Variants in ANKRD24 observed in about 807,000 individuals in gnomAD.
The protein encoded by ANKRD24 is ankyrin repeat domain 24, also known as ankyrin repeat domain-containing protein 24.
A neutral mutation model predicts 127.8 loss-of-function variants in ANKRD24; 109 were observed. The ratio of observed to expected loss-of-function variants is 0.85; its 90% confidence interval spans 0.73 to 1.00. The LOEUF is 1.00. Ranked by LOEUF, ANKRD24 falls within the 50% of genes least tolerant of loss-of-function variation. ANKRD24 has a pLI of 0.00. For synonymous variants in ANKRD24, 743 were observed against 671.1 expected, an observed-to-expected ratio of 1.11 and a Z score of -1.66; for missense variants, 1,648 against 1,570.2, an observed-to-expected ratio of 1.05 and a Z score of -0.84.
chr19:4,195,819 G>A lies in ANKRD24; in HGVS notation c.37-3864G>A, dbSNP rs191700867. Among the ~76,000 whole-genome samples, 65 of 152,262 alleles carry A rather than the reference G, an allele frequency of 4.3e-4. No homozygotes were observed. Among genetic ancestry groups the A allele is most frequent in the Non-Finnish European group, 7.5e-4 (51 of 68,034 alleles). ...TGAAGCAGGAGAATTGCTTGAACCC[G>A]GGAGGCAGAGCTTGCAGTGAGCCGA... On this transcript the variant is annotated intron_variant, in intron 2 of 21. Transcript: ENST00000318934. The surrounding 1 kb of genome is among the most constrained non-coding windows in gnomAD (Gnocchi z 4.2).
At position 4,212,529 on chromosome 19, in the gene ANKRD24, G is replaced by A. The variant is rs921786942; in HGVS notation, c.1098+16G>A. The A allele has an allele frequency of 6.4e-7, 1 of 1,553,650 alleles. No individual in the cohort carries two copies. The highest frequency in any genetic ancestry group is 8.7e-7 in the Non-Finnish European group (1 of 1,149,620). On this transcript the variant is annotated intron_variant, in intron 14 of 21. Transcript: ENST00000318934. ...GGAGAGACAGGTAGGTGGGAAGGTG[G>A]GGAGGAGCCGGTCCTCCTGCTGCCC...
Position 4,223,401 on chromosome 19 carries a change from A to ATT in ANKRD24, c.3297+624_3297+625dup, listed in dbSNP as rs1173862080. Among the ~76,000 whole-genome samples, 531 of 53,272 alleles carry ATT rather than the reference A, an allele frequency of 1.0e-2. 19 individuals carry two copies. The highest frequency in any genetic ancestry group is 0.018 in the African/African-American group (193 of 10,470). The allele number at this position is 53,272 out of a possible 152,430, so 34.9% of individuals were successfully genotyped here. The stretch of plus-strand genomic sequence containing the variant: ...TATATATATATATATATATATATAT[A>ATT]TTTTTTTTTTTTTTTTTTTGAGCCA... On this transcript the variant is annotated intron_variant, in intron 20 of 21. Coordinates refer to ENST00000318934, the MANE Select transcript of ANKRD24 (RefSeq NM_001393985.1).
chr19:4,216,988 G>A lies in ANKRD24; in HGVS notation c.1828G>A (p.Glu610Lys). The change falls in exon 18 of 22, where the codon GAG (glutamate) becomes AAG (lysine). Residue 610 changes from glutamate to lysine, a missense_variant. By Grantham distance (56) the Glu-to-Lys change is moderately conservative. Transcript: ENST00000318934. ...CACAGGGGCTGAGGTCAGAGAAATG[G>A]AGACCACAGAAGAAGAAGCAAACAT... is the stretch of plus-strand genomic sequence containing the variant. The part of the protein sequence containing the change: ...KPTGAEVREM[E>K]TTEEEANMET... 1 of 1,613,390 alleles carries A rather than the reference G, an allele frequency of 6.2e-7. No individual in the cohort carries two copies.
Position 4,198,624 on chromosome 19 carries a change from C to T in ANKRD24, c.37-1059C>T, listed in dbSNP as rs1347711939. The T allele has an allele frequency of 4.9e-6, 2 of 411,408 alleles. No homozygotes were observed. Among genetic ancestry groups the T allele is most frequent in the Non-Finnish European group, 8.6e-6 (2 of 232,190 alleles). The allele number at this position is 411,408 out of a possible 1,614,324, so 25.5% of individuals were successfully genotyped here. A position where few individuals can be genotyped will look rare whatever the true frequency, so the allele number is the denominator to read the frequency against. On this transcript the variant is annotated intron_variant, in intron 2 of 21. Transcript: ENST00000318934. The surrounding 1 kb of genome is among the most constrained non-coding windows in gnomAD (Gnocchi z 6.1). ...GTCCCCGGCTGACCTGGACCACCCC[C>T]CCATTCCAGACCCGGGAAAGATGGT... is the stretch of plus-strand genomic sequence containing the variant.
In ANKRD24 at chr19:4,198,609, G is replaced by C. The variant is rs1295097198; in HGVS notation, c.37-1074G>C. ...TCCCCTCCCTTCCCCGTCCCCGGCTGACCTGGACCACCCCCCCATTCCAGA... is the reference window on the plus strand; with the variant it reads ...TCCCCTCCCTTCCCCGTCCCCGGCTCACCTGGACCACCCCCCCATTCCAGA... On this transcript the variant is annotated intron_variant, in intron 2 of 21. Transcript: ENST00000318934. The surrounding 1 kb of genome is among the most constrained non-coding windows in gnomAD (Gnocchi z 6.1). 2.4e-6 allele frequency: 1 copy of C among 423,924 alleles called. No homozygotes were observed. Among genetic ancestry groups the C allele is most frequent in the African/African-American group, 2.1e-5 (1 of 48,508 alleles). 26.3% of individuals were successfully genotyped at this position (423,924 alleles called of 1,614,324 possible).
rs1204092268 is a variant in ANKRD24, at chr19:4,223,393, A to ATT, written c.3297+599_3297+600insTT. On this transcript the variant is annotated intron_variant, in intron 20 of 21. Transcript: ENST00000318934. The stretch of plus-strand genomic sequence containing the variant: ...CATACATATATATATATATATATAT[A>ATT]TATATATATTTTTTTTTTTTTTTTT... Among the ~76,000 whole-genome samples, 162 of 78,822 alleles carry ATT rather than the reference A, an allele frequency of 2.1e-3. 3 individuals are homozygous for ATT. Among genetic ancestry groups the ATT allele is most frequent in the African/African-American group, 0.01 (147 of 14,322 alleles). 51.7% of individuals were successfully genotyped at this position (78,822 alleles called of 152,430 possible).
intron 10 of ANKRD24, among the ~76,000 whole-genome samples, chr19:4,208,435 C>G (rs1278005047): frequency 2.6e-5 from 4 of 152,080 alleles, no homozygotes; most frequent in Admixed American, 1.3e-4. Context: ...GCCTAAGTCC[C>G]TCACGCCTGG....
In ANKRD24 at chr19:4,217,428, C is replaced by T. The variant is rs1186253305; in HGVS notation, c.2268C>T (p.Ala756=). 5 of 1,541,878 alleles carry T rather than the reference C, an allele frequency of 3.2e-6. 1 individual carries two copies. The highest frequency in any genetic ancestry group is 2.5e-5 in the East Asian group (1 of 40,794). Residue 756 remains alanine, a synonymous_variant, in exon 18 of 22, where the codon GCC becomes GCT. Transcript: ENST00000318934. ...ELEAALGKCE[A]AEAEAGRLRE... is the part of the protein sequence containing the mutation. ...AGGCGGCCCTGGGGAAGTGCGAGGCCGCGGAGGCCGAGGCAGGCCGGCTGC... is the reference window on the plus strand; with the variant it reads ...AGGCGGCCCTGGGGAAGTGCGAGGCTGCGGAGGCCGAGGCAGGCCGGCTGC...
rs1200101553 is a variant in ANKRD24 at position 4,224,743 on chromosome 19, C to G, written c.*238C>G. The G allele has an allele frequency of 2.8e-5, 16 of 561,888 alleles. No homozygotes were observed. The highest frequency in any genetic ancestry group is 5.7e-5 in the African/African-American group (3 of 53,062). The allele number at this position is 561,888 out of a possible 1,614,324, so 34.8% of individuals were successfully genotyped here. A position where few individuals can be genotyped will look rare whatever the true frequency, so the allele number is the denominator to read the frequency against. ...GCCGTGACTGCCCCTCCCCCACCAC[C>G]GGAGACTGTGATTCCCTGTGTCCTC... On this transcript the variant is annotated 3_prime_UTR_variant, in exon 22 of 22. Transcript: ENST00000318934.
intron 2 of ANKRD24, among the ~76,000 whole-genome samples, chr19:4,192,780 A>C (rs1005033715): frequency 6.6e-6 from 1 of 151,128 alleles, no homozygotes; most frequent in Non-Finnish European, 1.5e-5. Flanking sequence ...AAAAAATTCA[A>C]AAATTAGTTG....
At chr19:4,223,065 C>T (rs778449983) in intron 20 of ANKRD24, among the ~76,000 whole-genome samples, 14 of 151,964 alleles carry the variant, frequency 9.2e-5, no homozygotes, top group South Asian at 8.3e-4. Context: ...CATGCCTTAG[C>T]GTCCTGCGTA....
chr19:4,187,453 A>G (rs1019806642), intron 2 of ANKRD24, among the ~76,000 whole-genome samples: 4 of 151,258 alleles, frequency 2.6e-5, no homozygotes, highest in African/African-American at 9.7e-5. Flanking sequence ...GGAGTGGGGG[A>G]GAGAGTTTGC....
rs182289556 is a variant in ANKRD24 at position 4,215,760 on chromosome 19, G to A, written c.1198-218G>A. On this transcript the variant is annotated intron_variant, in intron 15 of 21. Transcript: ENST00000318934. ...ACTGCACTCCAGCCTGGGTGACAGA[G>A]TAAGACCCTGGCTCCAAAAAAAAAA... Among the ~76,000 whole-genome samples, 757 of 123,674 alleles carry A rather than the reference G, an allele frequency of 6.1e-3. 2 individuals are homozygous for A. The highest frequency in any genetic ancestry group is 0.01 in the Non-Finnish European group (610 of 60,302). 81.1% of individuals were successfully genotyped at this position (123,674 alleles called of 152,430 possible).
At position 4,218,049 on chromosome 19, in the gene ANKRD24, G is replaced by A. The variant is rs781160528; in HGVS notation, c.2889G>A (p.Ala963=). Residue 963 remains alanine (A), a synonymous_variant, in exon 18 of 22, where the codon GCG becomes GCA. Transcript: ENST00000318934. ...AGCGGGAGCGTGTGTGCAGCGTGGC[G>A]CTCTCGGAGCACGAACGCATCGTGG... is the stretch of plus-strand genomic sequence containing the variant. ...ELERERVCSV[A]LSEHERIVGT... is the part of the protein sequence containing the mutation. 8.3e-6 allele frequency: 13 copies of A among 1,559,866 alleles called. No individual in the cohort carries two copies. Among genetic ancestry groups the A allele is most frequent in the South Asian group, 3.5e-5 (3 of 84,562 alleles).
At position 4,224,557 on chromosome 19, in the gene ANKRD24, C is replaced by T. The variant is rs998618303; in HGVS notation, c.*52C>T. On this transcript the variant is annotated 3_prime_UTR_variant, in exon 22 of 22. Transcript: ENST00000318934. ...GACCACACCCACGCAGGGACCTCAC[C>T]CCCCTGCAGGCCCCTTGCAGACCGG... is the stretch of plus-strand genomic sequence containing the variant. 3.3e-6 allele frequency: 5 copies of T among 1,506,596 alleles called. No homozygotes were observed. The African/African-American group carries it at 6.9e-5, about 21-fold the overall frequency. 93.3% of individuals were successfully genotyped at this position (1,506,596 alleles called of 1,614,324 possible). A position where few individuals can be genotyped will look rare whatever the true frequency, so the allele number is the denominator to read the frequency against.
At chr19:4,216,127 G>C (rs1405959622) in intron 16 of ANKRD24, 77 bp downstream of exon 16, 1 of 1,483,692 alleles carries the variant, frequency 6.7e-7, no homozygotes. Flanking sequence ...CTGGGTGTGG[G>C]GGAGTTTGAA....
intron 15 of ANKRD24, 33 bp from the exon 16 acceptor site, chr19:4,215,945 A>C: frequency 5.2e-6 from 8 of 1,545,450 alleles, no homozygotes; most frequent in East Asian, 2.4e-5. Flanking sequence ...CTGAGAGCAG[A>C]ACCCCGAGCT....
In ANKRD24 at chr19:4,207,844, C is replaced by T. The variant is rs776433149; in HGVS notation, c.708C>T (p.Gly236=). 1.6e-5 allele frequency: 25 copies of T among 1,568,252 alleles called. No individual in the cohort carries two copies. Among genetic ancestry groups the T allele is most frequent in the South Asian group, 2.3e-5 (2 of 85,142 alleles). ...SPETVEVLLQ[G]GAQPGITDAL... ...AAACAGTGGAGGTCCTGCTGCAGGG[C>T]GGAGCCCAGCCGGGCATCACCGATG... Residue 236 remains glycine (G), a synonymous_variant, in exon 10 of 22, where the codon GGC becomes GGT. Coordinates refer to ENST00000318934, the MANE Select transcript of ANKRD24 (RefSeq NM_001393985.1).
rs151033221 is a variant in ANKRD24, at chr19:4,212,823, A to C, written c.1197+125A>C. The C allele has an allele frequency of 3.0e-3, 2,582 of 869,876 alleles. 54 individuals carry two copies. The African/African-American group carries it at 0.04, about 14-fold the overall frequency. 53.9% of individuals were successfully genotyped at this position (869,876 alleles called of 1,614,324 possible). ...ACACACGTGCAAACACACGCACCAG[A>C]CACATGCACCCACAAACCCACAGTC... On this transcript the variant is annotated intron_variant, in intron 15 of 21. Coordinates refer to ENST00000318934, the MANE Select transcript of ANKRD24 (RefSeq NM_001393985.1).
Sources: allele counts gnomAD v4.1 joint callset (sites outside exome capture counted in the v4.1 genomes callset), GRCh38; gene constraint gnomAD v4.1.1; non-coding constraint Gnocchi (gnomAD v3.1); transcripts MANE v1.5; gene names NCBI Gene and HGNC (gene_info 2026-07-23, HGNC 2026-07-21).